DNAJB2: variants seen among roughly 807,000 people sequenced by gnomAD.
DNAJB2 encodes the protein DnaJ heat shock protein family (Hsp40) member B2.
In DNAJB2, 19 loss-of-function variants were observed where a neutral mutation model predicts 33.3. That is an observed-to-expected ratio of 0.57 (90% CI 0.40 to 0.84). The LOEUF (loss-of-function observed/expected upper bound fraction) is 0.84. DNAJB2 is among the 40% of genes least tolerant of loss of function. The probability of loss-of-function intolerance (pLI) is 0.00; values close to 1 mark genes in which losing one functional copy is unlikely to be tolerated. For missense variants in DNAJB2, 368 were observed against 430.9 expected (o/e 0.85, Z 1.29); for synonymous variants, 172 against 164.6 (o/e 1.04, Z -0.34).
In DNAJB2 at chr2:219,285,004, G is replaced by T. The variant is rs190436506; in HGVS notation, c.*17G>T. 886 of 1,471,024 alleles carry T rather than the reference G, an allele frequency of 6.0e-4. 7 individuals carry two copies. The African/African-American group carries it at 0.011, about 19-fold the overall frequency. 91.1% of individuals were successfully genotyped at this position (1,471,024 alleles called of 1,614,324 possible). On this transcript the variant is annotated 3_prime_UTR_variant, in exon 9 of 9. Coordinates refer to ENST00000336576, the MANE Select transcript of DNAJB2 (RefSeq NM_006736.6). ...ATCCTCTGAACACCGGGCCCAACCT[G>T]ATCTGATCCAGATCTTGACTGGGGG...
Position 219,280,659 on chromosome 2 carries a change from G to A in DNAJB2, c.147G>A (p.Val49=), listed in dbSNP as rs1213188397. ...TTGCTGAGAAGAAATTTAAGGAGGT[G>A]GCCGAGGCATATGAAGTGCTGTCTG... ...KEFAEKKFKE[V]AEAYEVLSDK... The change falls in exon 3 of 9, where the codon GTG becomes GTA. Residue 49 remains valine, a synonymous_variant. Coordinates refer to ENST00000336576, the MANE Select transcript of DNAJB2 (RefSeq NM_006736.6). 3.7e-6 allele frequency: 6 copies of A among 1,613,936 alleles called. No homozygotes were observed. Among genetic ancestry groups the A allele is most frequent in the Non-Finnish European group, 5.1e-6 (6 of 1,179,994 alleles).
intron 8 of DNAJB2, among the ~76,000 whole-genome samples, chr2:219,283,976 C>T (rs1415086155): frequency 2.0e-5 from 3 of 152,244 alleles, no homozygotes; most frequent in Non-Finnish European, 4.4e-5. Context: ...GCAGGGCCGT[C>T]ACCACAGCTA....
chr2:219,283,471 A>C lies in DNAJB2; in HGVS notation c.601A>C (p.Lys201Gln), dbSNP rs765978583. Residue 201 changes from lysine to glutamine, a missense_variant, in exon 8 of 9, where the codon AAG becomes CAG. Transcript: ENST00000336576. ...GGAAGTGGAGGAGGATGGGCAGCTG[A>C]AGTCAGTCACAATCAATGGTGAGGA... ...RVEVEEDGQLKSVTINGVPDD... is the reference protein window; with the variant it reads ...RVEVEEDGQLQSVTINGVPDD... The C allele has an allele frequency of 1.9e-6, 3 of 1,613,998 alleles. 1 individual carries two copies. The South Asian group carries it at 3.3e-5, about 18-fold the overall frequency.
chr2:219,283,820 G>C (rs1222159121), intron 8 of DNAJB2, among the ~76,000 whole-genome samples: 1 of 152,216 alleles, frequency 6.6e-6, no homozygotes, highest in African/African-American at 2.4e-5. Context: ...AATTTGGGGA[G>C]CCTGAGCTGC....
Position 219,281,623 on chromosome 2 carries a change from A to T in DNAJB2, c.176-95A>T, listed in dbSNP as rs1951904593. 3.9e-6 allele frequency: 6 copies of T among 1,538,408 alleles called. No individual in the cohort carries two copies. The South Asian group carries it at 6.8e-5, about 18-fold the overall frequency. On this transcript the variant is annotated intron_variant, in intron 3 of 8. Coordinates refer to ENST00000336576, the MANE Select transcript of DNAJB2 (RefSeq NM_006736.6). ...TGCCTGCTTTCCCCCGCCAAGTGTCAGAGTGTCAGTCTCTGGACAATCCTT... is the reference window on the plus strand; with the variant it reads ...TGCCTGCTTTCCCCCGCCAAGTGTCTGAGTGTCAGTCTCTGGACAATCCTT...
chr2:219,285,977 C>G lies in DNAJB2; in HGVS notation c.*990C>G, dbSNP rs754902866. The G allele has an allele frequency of 7.4e-6, 12 of 1,612,546 alleles. No homozygotes were observed. The highest frequency in any genetic ancestry group is 2.2e-5 in the East Asian group (1 of 44,888). ...TCTCTCCTGTCACCCCGCCCCTGCTCTCTCCCCAGATGTGTTCTGAGCTGG... is the reference window on the plus strand; with the variant it reads ...TCTCTCCTGTCACCCCGCCCCTGCTGTCTCCCCAGATGTGTTCTGAGCTGG... On this transcript the variant is annotated 3_prime_UTR_variant, in exon 9 of 9. Coordinates refer to ENST00000336576, the MANE Select transcript of DNAJB2 (RefSeq NM_006736.6).
chr2:219,279,929 C>T lies in DNAJB2; in HGVS notation c.65+31C>T, dbSNP rs1440323905. ...TGCCTCCGTATGCAACAGAAGACCTCTCACCCTCCACCCGCCACCACCATG... is the reference window on the plus strand; with the variant it reads ...TGCCTCCGTATGCAACAGAAGACCTTTCACCCTCCACCCGCCACCACCATG... On this transcript the variant is annotated intron_variant, in intron 2 of 8. Transcript: ENST00000336576. The surrounding 1 kb of genome is among the most constrained non-coding windows in gnomAD (Gnocchi z 4.9). 1.2e-6 allele frequency: 2 copies of T among 1,612,410 alleles called. No individual in the cohort carries two copies. Among genetic ancestry groups the T allele is most frequent in the Non-Finnish European group, 1.7e-6 (2 of 1,179,206 alleles).
rs1248537365 is a variant in DNAJB2 at position 219,279,981 on chromosome 2, T to G, written c.65+83T>G. The stretch of plus-strand genomic sequence containing the variant: ...GGCACTTCAGAGTGACACCTGTAGG[T>G]GTCTGAGGGAACCAGGTCGTTAGAA... On this transcript the variant is annotated intron_variant, in intron 2 of 8. Coordinates refer to ENST00000336576, the MANE Select transcript of DNAJB2 (RefSeq NM_006736.6). The surrounding 1 kb of genome is among the most constrained non-coding windows in gnomAD (Gnocchi z 4.9). 2 of 1,509,860 alleles carry G rather than the reference T, an allele frequency of 1.3e-6. No individual in the cohort carries two copies. The highest frequency in any genetic ancestry group is 1.8e-6 in the Non-Finnish European group (2 of 1,094,646). 93.5% of individuals were successfully genotyped at this position (1,509,860 alleles called of 1,614,324 possible).
intron 3 of DNAJB2, 175 bp downstream of exon 3, chr2:219,280,862 T>TA (rs757138209): frequency 2.3e-5 from 14 of 595,906 alleles, no homozygotes; most frequent in African/African-American, 5.6e-5. Flanking sequence ...CAGAGTCTGG[T>TA]AGGAGTGGCT....
At chr2:219,282,974 AC>A in intron 6 of DNAJB2, 45 bp downstream of exon 6, 1 of 1,561,644 alleles carries the variant, frequency 6.4e-7, no homozygotes, top group South Asian at 1.2e-5. Context: ...GATTCCTGGA[AC>A]CCCTGGCTTG....
chr2:219,280,033 C>T (rs1951890147), intron 2 of DNAJB2, 135 bp downstream of exon 2: 1 of 913,468 alleles, frequency 1.1e-6, no homozygotes, highest in East Asian at 2.6e-5. Flanking sequence ...TTCCGAGTGA[C>T]ACCTGCAGGG....
Position 219,285,007 on chromosome 2 carries a change from C to A in DNAJB2, c.*20C>A. 6.8e-7 allele frequency: 1 copy of A among 1,469,134 alleles called. No individual in the cohort carries two copies. Among genetic ancestry groups the A allele is most frequent in the Non-Finnish European group, 9.1e-7 (1 of 1,104,792 alleles). The allele number at this position is 1,469,134 out of a possible 1,614,324, so 91.0% of individuals were successfully genotyped here. A position where few individuals can be genotyped will look rare whatever the true frequency, so the allele number is the denominator to read the frequency against. On this transcript the variant is annotated 3_prime_UTR_variant, in exon 9 of 9. Transcript: ENST00000336576. ...CTCTGAACACCGGGCCCAACCTGATCTGATCCAGATCTTGACTGGGGGGTC... is the reference window on the plus strand; with the variant it reads ...CTCTGAACACCGGGCCCAACCTGATATGATCCAGATCTTGACTGGGGGGTC...
Position 219,285,668 on chromosome 2 carries a change from G to T in DNAJB2, c.*681G>T. The T allele has an allele frequency of 8.5e-7, 1 of 1,171,860 alleles. No homozygotes were observed. Among genetic ancestry groups the T allele is most frequent in the South Asian group, 3.6e-5 (1 of 27,438 alleles). The allele number at this position is 1,171,860 out of a possible 1,614,324, so 72.6% of individuals were successfully genotyped here. ...TAGGGCTGTGAGATCTTCTGGGGAG[G>T]CTAGCCGGGTGGGGCGGGAGCCTCT... On this transcript the variant is annotated 3_prime_UTR_variant, in exon 9 of 9. Coordinates refer to ENST00000336576, the MANE Select transcript of DNAJB2 (RefSeq NM_006736.6).
Position 219,284,882 on chromosome 2 carries a change from G to A in DNAJB2, c.870G>A (p.Gln290=), listed in dbSNP as rs1219345231. ...QHRRQGRPKA[Q]HQDPGLGGTQ... is the part of the protein sequence containing the mutation. Reference sequence around the variant, plus strand: ...GACGGCAGGGGCGGCCCAAGGCCCAGCACCAAGATCCAGGCTTGGGGGGGA... The same window carrying A: ...GACGGCAGGGGCGGCCCAAGGCCCAACACCAAGATCCAGGCTTGGGGGGGA... The change falls in exon 9 of 9, where the codon CAG becomes CAA. Residue 290 remains glutamine, a synonymous_variant. Transcript: ENST00000336576. 3.1e-6 allele frequency: 5 copies of A among 1,606,934 alleles called. No individual in the cohort carries two copies. In the Admixed American group the frequency reaches 6.7e-5, roughly 22 times the overall value.
intron 6 of DNAJB2, 25 bp from the exon 7 acceptor site, chr2:219,283,108 T>C (rs549126522): frequency 6.2e-6 from 10 of 1,613,150 alleles, no homozygotes; most frequent in Non-Finnish European, 8.5e-6. Flanking sequence ...CCACCTCTCC[T>C]CCTCCTCCCT....
chr2:219,281,918 C>T lies in DNAJB2; in HGVS notation c.230-21C>T, dbSNP rs146284616. 9.2e-5 allele frequency: 148 copies of T among 1,613,602 alleles called. No individual in the cohort carries two copies. The African/African-American group carries it at 1.6e-3, about 17-fold the overall frequency. Reference sequence around the variant, plus strand: ...GGGCAGGATGCATGCCCTAAGCTCTCTCCTCATCCTGCCTTTCCAGGAACT... The same window carrying T: ...GGGCAGGATGCATGCCCTAAGCTCTTTCCTCATCCTGCCTTTCCAGGAACT... On this transcript the variant is annotated intron_variant, in intron 4 of 8. Transcript: ENST00000336576.
Position 219,279,868 on chromosome 2 carries a change from G to T in DNAJB2, c.35G>T (p.Arg12Leu). The T allele has an allele frequency of 6.2e-7, 1 of 1,613,968 alleles. No homozygotes were observed. The highest frequency in any genetic ancestry group is 8.5e-7 in the Non-Finnish European group (1 of 1,179,988). The change falls in exon 2 of 9, where the codon CGA becomes CTA. Residue 12 changes from arginine (R) to leucine (L), a missense_variant. Arg to Leu is a moderately radical substitution (Grantham distance 102). Coordinates refer to ENST00000336576, the MANE Select transcript of DNAJB2 (RefSeq NM_006736.6). This position sits in a 1 kb window ranked among gnomAD's most constrained non-coding sequence, Gnocchi z 4.9. ...TACTACGAGATCCTAGACGTGCCGC[G>T]AAGTGCGTCCGCTGATGACATCAAG... Reference protein sequence around the residue: ...ASYYEILDVPRSASADDIKKA... With the variant: ...ASYYEILDVPLSASADDIKKA...
At chr2:219,280,274 C>T (rs1252061541) in intron 2 of DNAJB2, 2 of 534,020 alleles carry the variant, frequency 3.7e-6, no homozygotes, top group Non-Finnish European at 6.7e-6. Context: ...GCCGGTGTCC[C>T]TGTACTCTTC....
In DNAJB2 at chr2:219,283,051, G is replaced by A. The variant is rs377762531; in HGVS notation, c.446-82G>A. ...CCTGCCTCCAGCAGCCCTGCGAGGC[G>A]GCCTGGAGCCTCGGTGACCACAACA... is the stretch of plus-strand genomic sequence containing the variant. On this transcript the variant is annotated intron_variant, in intron 6 of 8. Transcript: ENST00000336576. 618 of 1,585,254 alleles carry A rather than the reference G, an allele frequency of 3.9e-4. 1 individual carries two copies. The African/African-American group carries it at 7.2e-3, about 18-fold the overall frequency.
Sources: gnomAD v4.1 joint callset for allele counts (sites outside exome capture counted in the v4.1 genomes callset) on GRCh38, gnomAD v4.1.1 for gene constraint, Gnocchi (gnomAD v3.1) non-coding constraint, MANE v1.5 for transcripts, NCBI Gene and HGNC (gene_info 2026-07-23, HGNC 2026-07-21) for gene names.